The following CTTN variants were observed in gnomAD, a reference collection of about 807,000 sequenced individuals.
CTTN encodes the protein src substrate cortactin.
A neutral mutation model predicts 84.0 loss-of-function variants in CTTN; 28 were observed. The ratio of observed to expected loss-of-function variants is 0.33; its 90% CI spans 0.25 to 0.46. The LOEUF is 0.46. Ranked by LOEUF, CTTN falls within the 20% of genes least tolerant of loss-of-function variation. The pLI, the probability that CTTN is intolerant of heterozygous loss-of-function variation, is 1.00. For synonymous variants in CTTN, 301 were observed against 288.8 expected, an observed-to-expected ratio of 1.04 and a Z score of -0.43; for missense variants, 641 against 723.8, an observed-to-expected ratio of 0.89 and a Z score of 1.31.
intron 15 of CTTN, among the ~76,000 whole-genome samples, 184 bp downstream of exon 15, chr11:70,431,464 GC>G (rs1434696471): frequency 6.6e-6 from 1 of 152,054 alleles, no homozygotes. Context: ...ATGCCTCAGT[GC>G]TGTCAGGGGA....
intron 5 of CTTN, among the ~76,000 whole-genome samples, chr11:70,411,862 G>A (rs1213192841): frequency 1.3e-5 from 2 of 152,154 alleles, no homozygotes; most frequent in African/African-American, 4.8e-5. Flanking sequence ...TTCCCAGGGA[G>A]ACTCCCCTCC....
intron 1 of CTTN, among the ~76,000 whole-genome samples, chr11:70,400,217 C>T (rs1000621958): frequency 6.6e-6 from 1 of 152,020 alleles, no homozygotes; most frequent in African/African-American, 2.4e-5. Flanking sequence ...ACCTGTAATC[C>T]CTGCACTTTG....
chr11:70,435,648 T>G lies in CTTN; in HGVS notation c.*486T>G, dbSNP rs777867052. 7.5e-6 allele frequency: 12 copies of G among 1,596,164 alleles called. No individual in the cohort carries two copies. The highest frequency in any genetic ancestry group is 1.0e-5 in the Non-Finnish European group (12 of 1,178,834). On this transcript the variant is annotated 3_prime_UTR_variant, in exon 18 of 18. Transcript: ENST00000301843. ...CTGGGGAGGAGAGGACTGGGCCTGA[T>G]GGAAGTTAACCCGGAGCTAAGTCAC...
intron 8 of CTTN, among the ~76,000 whole-genome samples, chr11:70,418,385 G>A (rs1422469637): frequency 5.9e-5 from 9 of 152,242 alleles, no homozygotes; most frequent in Admixed American, 3.3e-4. Flanking sequence ...CGCATGCTCC[G>A]CGAAGCTGCA....
At chr11:70,417,468 T>TG (rs2058177510) in intron 8 of CTTN, among the ~76,000 whole-genome samples, 1 of 152,108 alleles carries the variant, frequency 6.6e-6, no homozygotes, top group Non-Finnish European at 1.5e-5. Context: ...TTTCCTTAAG[T>TG]GCTGGGATTA....
At chr11:70,425,456 G>C (rs2058290822) in intron 13 of CTTN, 55 bp downstream of exon 13, 6 of 1,373,482 alleles carry the variant, frequency 4.4e-6, no homozygotes, top group Non-Finnish European at 6.2e-6. Flanking sequence ...AAACACTGAG[G>C]GGAAGGACAG....
Position 70,435,135 on chromosome 11 carries a change from A to G in CTTN, c.1626A>G (p.Pro542=), listed in dbSNP as rs754143663. The change falls in exon 18 of 18, where the codon CCA becomes CCG. Residue 542 remains proline (P), a synonymous_variant. Coordinates refer to ENST00000301843, the MANE Select transcript of CTTN (RefSeq NM_005231.4). Reference sequence around the variant, plus strand: ...GCAAGGGCCGGTACGGGCTCTTCCCAGCCAACTATGTGGAGCTGCGGCAGT... The same window carrying G: ...GCAAGGGCCGGTACGGGCTCTTCCCGGCCAACTATGTGGAGCTGCGGCAGT... ...GVCKGRYGLF[P]ANYVELRQ 6 of 1,612,656 alleles carry G rather than the reference A, an allele frequency of 3.7e-6. No individual in the cohort carries two copies. In the African/African-American group the frequency reaches 8.0e-5, roughly 22 times the overall value.
intron 6 of CTTN, among the ~76,000 whole-genome samples, chr11:70,415,164 G>A (rs756209274): frequency 6.6e-6 from 1 of 152,158 alleles, no homozygotes; most frequent in South Asian, 2.1e-4. Flanking sequence ...GATGCTGGTC[G>A]CAGATTGTGG....
chr11:70,434,475 T>C (rs2135600401), intron 17 of CTTN, among the ~76,000 whole-genome samples: 1 of 152,396 alleles, frequency 6.6e-6, no homozygotes, highest in East Asian at 1.9e-4. Context: ...GCTGGCATTC[T>C]ACCATAAGTG....
chr11:70,436,056 C>T lies in CTTN; in HGVS notation c.*894C>T, dbSNP rs543051711. ...TGTGCCATGTCACAGCATGGCCTCT[C>T]GGCCTTGGGAAGGAAGGCAGTGCCT... is the stretch of plus-strand genomic sequence containing the variant. On this transcript the variant is annotated 3_prime_UTR_variant, in exon 18 of 18. Transcript: ENST00000301843. The T allele has an allele frequency of 1.6e-4, 232 of 1,424,480 alleles. 3 individuals carry two copies. The African/African-American group carries it at 2.7e-3, about 17-fold the overall frequency. The allele number at this position is 1,424,480 out of a possible 1,614,324, so 88.2% of individuals were successfully genotyped here. A position where few individuals can be genotyped will look rare whatever the true frequency, so the allele number is the denominator to read the frequency against.
intron 8 of CTTN, among the ~76,000 whole-genome samples, chr11:70,417,716 G>T (rs149661731): frequency 0.036 from 5,529 of 152,126 alleles, 357 homozygotes; most frequent in African/African-American, 0.13. Context: ...GGCTGGTCTT[G>T]AATTCCTGAC....
At chr11:70,411,653 G>A (rs1423220519) in intron 5 of CTTN, among the ~76,000 whole-genome samples, 1 of 152,196 alleles carries the variant, frequency 6.6e-6, no homozygotes, top group Non-Finnish European at 1.5e-5. Flanking sequence ...GCCTGGTAGG[G>A]AAGCTGCTGT....
At chr11:70,425,745 T>G (rs964410774) in intron 13 of CTTN, among the ~76,000 whole-genome samples, 1 of 152,114 alleles carries the variant, frequency 6.6e-6, no homozygotes, top group Non-Finnish European at 1.5e-5. Flanking sequence ...CCTGAGCCGC[T>G]CGGTCGCAGC....
chr11:70,435,627 G>C lies in CTTN; in HGVS notation c.*465G>C, dbSNP rs200616030. On this transcript the variant is annotated 3_prime_UTR_variant, in exon 18 of 18. Coordinates refer to ENST00000301843, the MANE Select transcript of CTTN (RefSeq NM_005231.4). ...GCTTCCTCTAGAGTCTCACTGCTGG[G>C]GAGGAGAGGACTGGGCCTGATGGAA... is the stretch of plus-strand genomic sequence containing the variant. 6.3e-7 allele frequency: 1 copy of C among 1,593,458 alleles called. No individual in the cohort carries two copies. Among genetic ancestry groups the C allele is most frequent in the Non-Finnish European group, 8.5e-7 (1 of 1,177,546 alleles).
At chr11:70,423,810 A>T (rs1030814366) in intron 12 of CTTN, among the ~76,000 whole-genome samples, 1 of 152,186 alleles carries the variant, frequency 6.6e-6, no homozygotes, top group Non-Finnish European at 1.5e-5. Context: ...ACCACAGAGC[A>T]TCTGACGTGC....
chr11:70,415,678 G>C lies in CTTN; in HGVS notation c.418G>C (p.Glu140Gln), dbSNP rs2058149930. 3.7e-6 allele frequency: 6 copies of C among 1,614,162 alleles called. No individual in the cohort carries two copies. Among genetic ancestry groups the C allele is most frequent in the Non-Finnish European group, 5.1e-6 (6 of 1,179,992 alleles). Reference sequence around the variant, plus strand: ...GTCGTCACAGTCTGCTGTAGGCTTTGAATACCAGGGGAAGACTGAGAAGCA... The same window carrying C: ...GTCGTCACAGTCTGCTGTAGGCTTTCAATACCAGGGGAAGACTGAGAAGCA... The part of the protein sequence containing the change: ...DRVDQSAVGF[E>Q]YQGKTEKHAS... Residue 140 changes from glutamate (E) to glutamine (Q), a missense_variant, in exon 7 of 18, where the codon GAA (glutamate) becomes CAA (glutamine). By Grantham distance (29) the Glu-to-Gln change is conservative. Around this residue, in one of 3 missense-constraint regions of CTTN, gnomAD observed 284 missense variants for 348.4 expected, o/e 0.82. Coordinates refer to ENST00000301843, the MANE Select transcript of CTTN (RefSeq NM_005231.4).
At chr11:70,414,412 A>C (rs1591437604) in intron 5 of CTTN, 130 bp from the exon 6 acceptor site, 1 of 604,624 alleles carries the variant, frequency 1.7e-6, no homozygotes. Context: ...TTGGCTCCCC[A>C]GATGGGTGTG....
chr11:70,404,613 A>G (rs1324328359), intron 1 of CTTN, among the ~76,000 whole-genome samples: 4 of 152,254 alleles, frequency 2.6e-5, no homozygotes, highest in African/African-American at 9.6e-5. Flanking sequence ...AATGTCATTA[A>G]TTAGAATGAA....
rs929340392 is a variant in CTTN, at chr11:70,409,913, C to T, written c.244C>T (p.His82Tyr). ...KELETGPKASHGYGGKFGVEQ... is the reference protein window; with the variant it reads ...KELETGPKASYGYGGKFGVEQ... ...ACTTGAAACAGGACCAAAAGCTTCC[C>T]ATGGCTATGGAGGGAAATTTGGTGT... Residue 82 changes from histidine (H) to tyrosine (Y), a missense_variant, in exon 5 of 18, where the codon CAT (histidine) becomes TAT (tyrosine). His to Tyr is a moderately conservative substitution (Grantham distance 83). Around this residue, in one of 3 missense-constraint regions of CTTN, gnomAD observed 284 missense variants for 348.4 expected, o/e 0.82. Transcript: ENST00000301843. 10 of 1,614,090 alleles carry T rather than the reference C, an allele frequency of 6.2e-6. No individual in the cohort carries two copies. The highest frequency in any genetic ancestry group is 1.1e-5 in the South Asian group (1 of 91,086).
Sources: allele counts gnomAD v4.1 joint callset (sites outside exome capture counted in the v4.1 genomes callset), GRCh38; gene constraint gnomAD v4.1.1; regional missense constraint gnomAD v4.1.1; transcripts MANE v1.5; gene names NCBI Gene and HGNC (gene_info 2026-07-23, HGNC 2026-07-21).